Variants in CMSS1 observed in about 807,000 individuals in gnomAD.
The protein encoded by CMSS1 is cms1 ribosomal small subunit homolog, also known as protein CMSS1.
CMSS1 carries 33 observed loss-of-function variants against 43.5 expected under a neutral mutation model. The ratio of observed to expected loss-of-function variants is 0.76; its 90% CI spans 0.57 to 1.01. The LOEUF (loss-of-function observed/expected upper bound fraction) is 1.01. CMSS1 is among the 50% of genes least tolerant of loss of function. The probability of loss-of-function intolerance (pLI) is 0.00; values close to 1 mark genes in which losing one functional copy is unlikely to be tolerated. For synonymous variants in CMSS1, 115 were observed against 117.2 expected (o/e 0.98, Z 0.12); for missense variants, 313 against 326.4 (o/e 0.96, Z 0.32).
At chr3:99,912,401 G>A (rs746446035) in intron 1 of CMSS1, among the ~76,000 whole-genome samples, 2 of 152,130 alleles carry the variant, frequency 1.3e-5, no homozygotes, top group Non-Finnish European at 2.9e-5. Flanking sequence ...TTTTGAGACA[G>A]GGTCTTGCTT....
Position 99,823,076 on chromosome 3 carries a change from C to T in CMSS1, c.64+5033C>T, listed in dbSNP as rs1942470988. Among the ~76,000 whole-genome samples the T allele has an allele frequency of 2.0e-5, 3 of 152,290 alleles. 1 individual carries two copies. The highest frequency in any genetic ancestry group is 7.2e-5 in the African/African-American group (3 of 41,576). ...ATTATCAGTGGTAAGAATCTCATCT[C>T]TAAAGGAATAATCTGTTATCGGCTT... On this transcript the variant is annotated intron_variant, in intron 1 of 9. Coordinates refer to ENST00000421999, the MANE Select transcript of CMSS1 (RefSeq NM_032359.4).
chr3:99,893,130 C>A (rs1706139129), intron 1 of CMSS1, among the ~76,000 whole-genome samples: 1 of 145,688 alleles, frequency 6.9e-6, no homozygotes, highest in Non-Finnish European at 1.5e-5. Context: ...TTTCAGGTAT[C>A]TCTATTTCCA....
In CMSS1 at chr3:100,166,382, T is replaced by C. The variant is rs1450575940; in HGVS notation, c.403T>C (p.Tyr135His). 6.3e-7 allele frequency: 1 copy of C among 1,585,110 alleles called. No homozygotes were observed. The highest frequency in any genetic ancestry group is 1.3e-5 in the African/African-American group (1 of 74,442). ...ANDLTHSLSS[Y>H]LKEICPKWVK... is the part of the protein sequence containing the mutation. The stretch of plus-strand genomic sequence containing the variant: ...TGATTTGACTCACAGTCTTTCCTCA[T>C]ACCTAAAAGAAAGTAAGTAAACTCT... The change falls in exon 5 of 10, where the codon TAC becomes CAC. Residue 135 changes from tyrosine (Y) to histidine (H), a missense_variant. Physicochemically the swap from Tyr to His is moderately conservative, Grantham distance 83. Coordinates refer to ENST00000421999, the MANE Select transcript of CMSS1 (RefSeq NM_032359.4).
At chr3:99,818,954 C>T (rs766867384) in intron 1 of CMSS1, among the ~76,000 whole-genome samples, 1 of 152,226 alleles carries the variant, frequency 6.6e-6, no homozygotes, top group Non-Finnish European at 1.5e-5. Flanking sequence ...TTTATCACTC[C>T]TCAAGGTCTG....
chr3:99,994,089 T>G (rs1709602746), intron 1 of CMSS1, among the ~76,000 whole-genome samples: 1 of 152,224 alleles, frequency 6.6e-6, no homozygotes, highest in South Asian at 2.1e-4. Context: ...TGAATCCATT[T>G]GATCTTGTGC....
chr3:100,062,826 C>G (rs111776854), intron 1 of CMSS1, among the ~76,000 whole-genome samples: 230 of 152,328 alleles, frequency 1.5e-3, no homozygotes, highest in African/African-American at 5.1e-3. Flanking sequence ...CCCCTCCAGC[C>G]TGGATTACTG....
chr3:99,825,964 A>AG (rs956896295), intron 1 of CMSS1, among the ~76,000 whole-genome samples: 6 of 151,450 alleles, frequency 4.0e-5, no homozygotes, highest in African/African-American at 1.5e-4. Flanking sequence ...TTTTTAGTAG[A>AG]GGGGGGTTTC....
Position 99,818,060 on chromosome 3 carries a change from C to T in CMSS1, c.64+17C>T, listed in dbSNP as rs1942356577. On this transcript the variant is annotated intron_variant, in intron 1 of 9. Coordinates refer to ENST00000421999, the MANE Select transcript of CMSS1 (RefSeq NM_032359.4). ...GCAGCCCAGGTACCCACTCTGTGCC[C>T]GCGCTCCTACGGGGCCTCTCCCGGA... 1.9e-6 allele frequency: 3 copies of T among 1,611,584 alleles called. No individual in the cohort carries two copies. The highest frequency in any genetic ancestry group is 3.3e-5 in the Admixed American group (2 of 59,956).
At chr3:99,912,096 C>G (rs1268782632) in intron 1 of CMSS1, among the ~76,000 whole-genome samples, 2 of 152,156 alleles carry the variant, frequency 1.3e-5, no homozygotes, top group African/African-American at 2.4e-5. Context: ...TTATATCTAT[C>G]TTGTTGGTCA....
intron 1 of CMSS1, among the ~76,000 whole-genome samples, chr3:99,956,598 C>T (rs532829185): frequency 7.2e-5 from 11 of 152,314 alleles, no homozygotes; most frequent in Admixed American, 3.9e-4. Flanking sequence ...CCACCTGCCT[C>T]GGCCTTCCAA....
rs139580613 is a variant in CMSS1 at position 100,178,347 on chromosome 3, A to C, written c.799A>C (p.Ser267Arg). The C allele has an allele frequency of 4.3e-5, 69 of 1,613,292 alleles. No homozygotes were observed. In the African/African-American group the frequency reaches 8.8e-4, roughly 21 times the overall value. ...VFELLEMGVL[S>R]LCKSESLKLG... ...CGAACTTCTGGAAATGGGAGTGCTC[A>C]GTCTGTGCAAGTCAGAATCCTTGAA... Residue 267 changes from serine (S) to arginine (R), a missense_variant, in exon 10 of 10, where the codon AGT (serine) becomes CGT (arginine). Ser to Arg is a moderately radical substitution (Grantham distance 110). Coordinates refer to ENST00000421999, the MANE Select transcript of CMSS1 (RefSeq NM_032359.4).
chr3:100,140,147 C>A (rs1472184397), intron 1 of CMSS1, among the ~76,000 whole-genome samples: 2 of 152,172 alleles, frequency 1.3e-5, no homozygotes, highest in African/African-American at 4.8e-5. Context: ...TAATTTGTAA[C>A]ACTTGCCCAA....
In CMSS1 at chr3:99,818,061, G is replaced by A. The variant is rs1185141496; in HGVS notation, c.64+18G>A. ...CAGCCCAGGTACCCACTCTGTGCCC[G>A]CGCTCCTACGGGGCCTCTCCCGGAG... On this transcript the variant is annotated intron_variant, in intron 1 of 9. Transcript: ENST00000421999. 1 of 1,610,604 alleles carries A rather than the reference G, an allele frequency of 6.2e-7. No homozygotes were observed. The highest frequency in any genetic ancestry group is 8.5e-7 in the Non-Finnish European group (1 of 1,178,098).
intron 1 of CMSS1, among the ~76,000 whole-genome samples, chr3:99,936,820 T>A (rs1191437948): frequency 6.6e-6 from 1 of 152,100 alleles, no homozygotes; most frequent in Non-Finnish European, 1.5e-5. Context: ...AAGATATACA[T>A]AGTAAAGGAA....
rs180936996 is a variant in CMSS1, at chr3:99,890,646, T to C, written c.64+72603T>C. ...TGATCTACAGTTGTTACCTATTTCATTTCCCAAAGTTTCTATTTGTTTTTC... is the reference window on the plus strand; with the variant it reads ...TGATCTACAGTTGTTACCTATTTCACTTCCCAAAGTTTCTATTTGTTTTTC... On this transcript the variant is annotated intron_variant, in intron 1 of 9. Transcript: ENST00000421999. Among the ~76,000 whole-genome samples the C allele has an allele frequency of 9.9e-4, 151 of 152,242 alleles. 1 individual carries two copies. Among genetic ancestry groups the C allele is most frequent in the Admixed American group, 7.9e-3 (121 of 15,300 alleles).
chr3:100,090,274 A>G (rs1411337886), intron 1 of CMSS1, among the ~76,000 whole-genome samples: 1 of 152,180 alleles, frequency 6.6e-6, no homozygotes, highest in Admixed American at 6.5e-5. Context: ...AACTGTCCCG[A>G]TCTTCTGAGT....
chr3:99,988,630 A>G (rs911806733), intron 1 of CMSS1, among the ~76,000 whole-genome samples: 2 of 152,148 alleles, frequency 1.3e-5, no homozygotes, highest in Admixed American at 6.5e-5. Flanking sequence ...TCCAAAGTCC[A>G]GTTGTATTTT....
intron 1 of CMSS1, among the ~76,000 whole-genome samples, chr3:99,968,566 T>G (rs768629369): frequency 1.3e-5 from 2 of 152,018 alleles, no homozygotes; most frequent in Admixed American, 6.6e-5. Context: ...ATATCAGTGG[T>G]GTTTAAAATC....
At chr3:100,001,809 A>C (rs974431682) in intron 1 of CMSS1, among the ~76,000 whole-genome samples, 1 of 152,212 alleles carries the variant, frequency 6.6e-6, no homozygotes, top group African/African-American at 2.4e-5. Context: ...CATTTGGCTG[A>C]ATAATTAAAG....
Sources: gnomAD v4.1 joint callset for allele counts (sites outside exome capture counted in the v4.1 genomes callset) on GRCh38, gnomAD v4.1.1 for gene constraint, MANE v1.5 for transcripts, NCBI Gene and HGNC (gene_info 2026-07-23, HGNC 2026-07-21) for gene names.